TBC1D4: variants seen among roughly 807,000 people sequenced by gnomAD.
The protein encoded by TBC1D4 is TBC (Tre-2, BUB2, CDC16) domain-containing protein.
Under a neutral mutation model 142.5 loss-of-function variants are expected in TBC1D4, and 121 were observed. The observed-to-expected ratio is 0.85, with a 90% CI of 0.73 to 0.99. TBC1D4 has a LOEUF of 0.99. Ranked by LOEUF, TBC1D4 falls within the 50% of genes least tolerant of loss-of-function variation. TBC1D4 has a pLI of 0.00. For missense variants in TBC1D4, 1,475 were observed against 1,606.6 expected, an observed-to-expected ratio of 0.92 and a Z score of 1.40; for synonymous variants, 630 against 628.2, an observed-to-expected ratio of 1.00 and a Z score of -0.04.
intron 1 of TBC1D4, among the ~76,000 whole-genome samples, chr13:75,383,703 A>T (rs1172098638): frequency 6.7e-6 from 1 of 148,568 alleles, no homozygotes; most frequent in South Asian, 2.1e-4. Context: ...GTATGTACAT[A>T]TGTACAGGAA....
At chr13:75,287,467 C>T (rs993994185) in intron 20 of TBC1D4, among the ~76,000 whole-genome samples, 2 of 152,126 alleles carry the variant, frequency 1.3e-5, no homozygotes, top group African/African-American at 4.8e-5. Flanking sequence ...GGCCAAGTAA[C>T]TGATGATGAC....
chr13:75,373,767 G>A lies in TBC1D4; in HGVS notation c.499-11160C>T, dbSNP rs147707274. Among the ~76,000 whole-genome samples, 1,195 of 152,240 alleles carry A rather than the reference G, an allele frequency of 7.8e-3. 13 individuals carry two copies. Among genetic ancestry groups the A allele is most frequent in the African/African-American group, 0.026 (1,088 of 41,524 alleles). ...TGGGACTCTAGTGAACATCATCTAC[G>A]AAAGGTTCTGATCAGAAAAGGCATT... On this transcript the variant is annotated intron_variant, in intron 1 of 20. Coordinates refer to ENST00000377636, the MANE Select transcript of TBC1D4 (RefSeq NM_014832.5).
At chr13:75,464,509 A>G (rs1321806318) in intron 1 of TBC1D4, among the ~76,000 whole-genome samples, 2 of 152,164 alleles carry the variant, frequency 1.3e-5, no homozygotes, top group Non-Finnish European at 2.9e-5. Context: ...AATGCTTATC[A>G]CTGGCTTACT....
chr13:75,421,637 AC>A (rs1476043606), intron 1 of TBC1D4, among the ~76,000 whole-genome samples: 3 of 152,004 alleles, frequency 2.0e-5, no homozygotes, highest in Non-Finnish European at 4.4e-5. Flanking sequence ...TGGGAGAAAA[AC>A]CTGAAATGAA....
At chr13:75,335,948 C>G (rs1470238261) in intron 8 of TBC1D4, among the ~76,000 whole-genome samples, 1 of 152,130 alleles carries the variant, frequency 6.6e-6, no homozygotes, top group Non-Finnish European at 1.5e-5. Context: ...TTATAACTTT[C>G]TATGGGAAAT....
chr13:75,377,040 T>C (rs1883549096), intron 1 of TBC1D4, among the ~76,000 whole-genome samples: 1 of 152,210 alleles, frequency 6.6e-6, no homozygotes, highest in South Asian at 2.1e-4. Context: ...ATCTCTGTCT[T>C]CATAAACAGT....
intron 8 of TBC1D4, among the ~76,000 whole-genome samples, chr13:75,333,110 C>T (rs1879893638): frequency 6.6e-6 from 1 of 152,176 alleles, no homozygotes; most frequent in Non-Finnish European, 1.5e-5. Flanking sequence ...TCTTTAAAGG[C>T]ACTGAGAGAT....
chr13:75,306,001 C>T (rs1345006924), intron 15 of TBC1D4, among the ~76,000 whole-genome samples: 1 of 151,864 alleles, frequency 6.6e-6, no homozygotes, highest in Non-Finnish European at 1.5e-5. Context: ...TACTTCTGAC[C>T]AAATGATGAA....
intron 5 of TBC1D4, among the ~76,000 whole-genome samples, chr13:75,344,861 T>C (rs564730732): frequency 1.3e-5 from 2 of 152,234 alleles, no homozygotes; most frequent in African/African-American, 2.4e-5. Context: ...AAAATACTAC[T>C]ATCTGGTTTT....
At chr13:75,354,304 C>A (rs1881857584) in intron 4 of TBC1D4, among the ~76,000 whole-genome samples, 1 of 152,126 alleles carries the variant, frequency 6.6e-6, no homozygotes, top group Non-Finnish European at 1.5e-5. Context: ...AGAAATAAAA[C>A]TCTAACATAA....
chr13:75,463,070 G>A (rs1888034716), intron 1 of TBC1D4, among the ~76,000 whole-genome samples: 2 of 152,012 alleles, frequency 1.3e-5, no homozygotes, highest in South Asian at 4.2e-4. Flanking sequence ...CTGTTTAAGT[G>A]ACAGATGTTC....
At chr13:75,353,541 A>G (rs1359760771) in intron 4 of TBC1D4, among the ~76,000 whole-genome samples, 2 of 152,186 alleles carry the variant, frequency 1.3e-5, no homozygotes, top group East Asian at 3.9e-4. Context: ...GAGTGTGGGG[A>G]TTGGCAAGAA....
intron 1 of TBC1D4, among the ~76,000 whole-genome samples, chr13:75,463,463 A>T (rs778259693): frequency 1.3e-5 from 2 of 152,178 alleles, no homozygotes; most frequent in African/African-American, 2.4e-5. Flanking sequence ...CCCAGGGCCC[A>T]CACTGGAGAT....
chr13:75,341,414 A>G lies in TBC1D4; in HGVS notation c.1500+82T>C, dbSNP rs577869872. ...TCATGCATCTTTAGCTCTAGGCAGCAGAATGAAAACAGGAACGCATAAAAA... is the reference window on the plus strand; with the variant it reads ...TCATGCATCTTTAGCTCTAGGCAGCGGAATGAAAACAGGAACGCATAAAAA... On this transcript the variant is annotated intron_variant, in intron 6 of 20. Coordinates refer to ENST00000377636, the MANE Select transcript of TBC1D4 (RefSeq NM_014832.5). The G allele has an allele frequency of 1.7e-5, 23 of 1,389,046 alleles. 1 individual carries two copies. In the East Asian group the frequency reaches 3.5e-4, roughly 21 times the overall value. The allele number at this position is 1,389,046 out of a possible 1,614,324, so 86.0% of individuals were successfully genotyped here.
At chr13:75,457,336 A>G (rs937814084) in intron 1 of TBC1D4, among the ~76,000 whole-genome samples, 3 of 152,172 alleles carry the variant, frequency 2.0e-5, no homozygotes, top group African/African-American at 7.2e-5. Flanking sequence ...CTTTGTTTGT[A>G]GGAGGCTGTC....
chr13:75,474,872 G>C (rs1010686141), intron 1 of TBC1D4, among the ~76,000 whole-genome samples: 2 of 151,930 alleles, frequency 1.3e-5, no homozygotes, highest in Admixed American at 1.3e-4. Context: ...CCTGACCTCA[G>C]GTGACCCGCC....
At chr13:75,450,610 A>C (rs914984735) in intron 1 of TBC1D4, among the ~76,000 whole-genome samples, 3 of 152,232 alleles carry the variant, frequency 2.0e-5, no homozygotes, top group African/African-American at 4.8e-5. Context: ...CAATATGCAG[A>C]GAATACTGCC....
rs192204656 is a variant in TBC1D4 at position 75,299,371 on chromosome 13, C to T, written c.3115G>A (p.Gly1039Ser). Residue 1039 changes from glycine (G) to serine (S), a missense_variant, in exon 17 of 21, where the codon GGC becomes AGC. Physicochemically the swap from Gly to Ser is moderately conservative, Grantham distance 56. Around this residue, in one of 2 missense-constraint regions of TBC1D4, gnomAD observed 248 missense variants for 338.9 expected, o/e 0.73. Coordinates refer to ENST00000377636, the MANE Select transcript of TBC1D4 (RefSeq NM_014832.5). ...TCAGGTCTGTACTGCTTGCGGAAGC[C>T]GAGGTCATACATGAGGAATTTCAGC... Reference protein sequence around the residue: ...EMLKFLMYDLGFRKQYRPDMM... With the variant: ...EMLKFLMYDLSFRKQYRPDMM... The T allele has an allele frequency of 9.3e-6, 15 of 1,614,132 alleles. No homozygotes were observed. The highest frequency in any genetic ancestry group is 8.9e-5 in the East Asian group (4 of 44,868).
At chr13:75,390,055 C>G (rs1450507266) in intron 1 of TBC1D4, among the ~76,000 whole-genome samples, 1 of 151,974 alleles carries the variant, frequency 6.6e-6, no homozygotes, top group Non-Finnish European at 1.5e-5. Context: ...GCAGGCAGAT[C>G]AGTTGGGGTC....
Sources: allele counts gnomAD v4.1 joint callset (sites outside exome capture counted in the v4.1 genomes callset), GRCh38; gene constraint gnomAD v4.1.1; regional missense constraint gnomAD v4.1.1; transcripts MANE v1.5; gene names NCBI Gene and HGNC (gene_info 2026-07-23, HGNC 2026-07-21).